KCTD16: variants seen among roughly 807,000 people sequenced by gnomAD.
KCTD16 encodes the protein BTB/POZ domain-containing protein KCTD16.
Under a neutral mutation model 33.2 loss-of-function variants are expected in KCTD16, and 13 were observed. The observed-to-expected ratio is 0.39, with a 90% CI of 0.25 to 0.62. The LOEUF (loss-of-function observed/expected upper bound fraction) is 0.62. KCTD16 is among the 20% of genes least tolerant of loss of function. The pLI is 0.50. For synonymous variants in KCTD16, 197 were observed against 195.3 expected, an observed-to-expected ratio of 1.01 and a Z score of -0.07; for missense variants, 441 against 525.1, an observed-to-expected ratio of 0.84 and a Z score of 1.57.
At chr5:144,217,914 T>C (rs1232161286) in intron 3 of KCTD16, among the ~76,000 whole-genome samples, 1 of 151,990 alleles carries the variant, frequency 6.6e-6, no homozygotes, top group East Asian at 1.9e-4. Flanking sequence ...TTTGACAGAG[T>C]GACCTTCTTT....
At chr5:144,338,824 G>T (rs570780462) in intron 3 of KCTD16, among the ~76,000 whole-genome samples, 1 of 152,110 alleles carries the variant, frequency 6.6e-6, no homozygotes, top group Non-Finnish European at 1.5e-5. Flanking sequence ...AGGCCAAGGG[G>T]TTACTCTCAG....
chr5:144,384,445 A>C (rs981993843), intron 3 of KCTD16: 1 of 152,206 alleles, frequency 6.6e-6, no homozygotes, highest in Non-Finnish European at 1.5e-5. Context: ...AAATATACTA[A>C]TACCTTACAA....
intron 3 of KCTD16, among the ~76,000 whole-genome samples, chr5:144,232,488 T>C (rs919649782): frequency 2.6e-4 from 40 of 152,342 alleles, no homozygotes; most frequent in African/African-American, 9.4e-4. Flanking sequence ...AATTTAAACC[T>C]GAGCTGTGTG....
At position 144,451,404 on chromosome 5, in the gene KCTD16, C is replaced by T. The variant is rs961987106; in HGVS notation, c.833-22256C>T. Among the ~76,000 whole-genome samples, 45 of 152,138 alleles carry T rather than the reference C, an allele frequency of 3.0e-4. 1 individual carries two copies. Among genetic ancestry groups the T allele is most frequent in the Admixed American group, 2.9e-3 (44 of 15,260 alleles). ...TGTTTGGGTGTGGTATGGACCAGGT[C>T]ACCTCACAGGATTCCTCAGCCTTAA... On this transcript the variant is annotated intron_variant, in intron 3 of 3. Transcript: ENST00000512467.
intron 3 of KCTD16, among the ~76,000 whole-genome samples, chr5:144,466,228 C>T (rs1458863854): frequency 2.8e-5 from 4 of 143,730 alleles, no homozygotes; most frequent in Non-Finnish European, 4.5e-5. Flanking sequence ...TATCTTAGTT[C>T]ACTAGCTAGG....
At chr5:144,352,343 A>T (rs552172498) in intron 3 of KCTD16, among the ~76,000 whole-genome samples, 40 of 152,166 alleles carry the variant, frequency 2.6e-4, no homozygotes, top group Non-Finnish European at 4.7e-4. Flanking sequence ...GGACATTGTG[A>T]GGTTCATTCA....
At chr5:144,395,918 G>A (rs1001173104) in intron 3 of KCTD16, among the ~76,000 whole-genome samples, 3 of 152,172 alleles carry the variant, frequency 2.0e-5, no homozygotes, top group African/African-American at 7.2e-5. Flanking sequence ...TCCTGTTTTT[G>A]TAAGTAGTTT....
intron 2 of KCTD16, among the ~76,000 whole-genome samples, chr5:144,193,132 C>T (rs984494482): frequency 2.6e-5 from 4 of 152,198 alleles, no homozygotes; most frequent in African/African-American, 7.2e-5. Context: ...AAATTCTCCC[C>T]ACTGATCTCC....
At chr5:144,250,492 C>T (rs1233711373) in intron 3 of KCTD16, among the ~76,000 whole-genome samples, 3 of 152,184 alleles carry the variant, frequency 2.0e-5, no homozygotes, top group Non-Finnish European at 4.4e-5. Flanking sequence ...TGCTACACTT[C>T]CAGAAACGTT....
intron 3 of KCTD16, among the ~76,000 whole-genome samples, chr5:144,461,574 A>G (rs1754196144): frequency 6.6e-6 from 1 of 152,112 alleles, no homozygotes; most frequent in Non-Finnish European, 1.5e-5. Context: ...GCAATCTCCT[A>G]ACTGGTCCCT....
intron 3 of KCTD16, among the ~76,000 whole-genome samples, chr5:144,275,639 A>C (rs1755418970): frequency 6.6e-6 from 1 of 152,190 alleles, no homozygotes; most frequent in African/African-American, 2.4e-5. Context: ...TTCTCAAAAC[A>C]AAATTAGTTT....
chr5:144,317,154 T>C (rs948079491), intron 3 of KCTD16, among the ~76,000 whole-genome samples: 7 of 152,006 alleles, frequency 4.6e-5, no homozygotes, highest in African/African-American at 1.7e-4. Flanking sequence ...TGTAAATTCA[T>C]ATACCTGATT....
At chr5:144,437,159 C>A (rs2126973802) in intron 3 of KCTD16, among the ~76,000 whole-genome samples, 1 of 152,256 alleles carries the variant, frequency 6.6e-6, no homozygotes, top group Non-Finnish European at 1.5e-5. Flanking sequence ...CGGCTGCTGT[C>A]CTCCATGATG....
chr5:144,212,784 AT>A (rs891707701), intron 3 of KCTD16, among the ~76,000 whole-genome samples: 32 of 151,840 alleles, frequency 2.1e-4, no homozygotes, highest in South Asian at 1.2e-3. Flanking sequence ...AAATCAGTTA[AT>A]TTTTTTTTAT....
At chr5:144,381,277 T>A (rs1188303037) in intron 3 of KCTD16, among the ~76,000 whole-genome samples, 1 of 152,020 alleles carries the variant, frequency 6.6e-6, no homozygotes, top group Non-Finnish European at 1.5e-5. Context: ...ATGACTATTA[T>A]TAAAAAGTCA....
At chr5:144,199,300 C>G (rs1004954756) in intron 2 of KCTD16, among the ~76,000 whole-genome samples, 3 of 151,990 alleles carry the variant, frequency 2.0e-5, no homozygotes, top group African/African-American at 7.3e-5. Flanking sequence ...ACTGCTTTAC[C>G]GAAAGATATA....
At chr5:144,212,925 AC>A (rs1753443131) in intron 3 of KCTD16, among the ~76,000 whole-genome samples, 1 of 152,046 alleles carries the variant, frequency 6.6e-6, no homozygotes, top group Non-Finnish European at 1.5e-5. Flanking sequence ...ATTCCTACTT[AC>A]TTTCCCTTTT....
Position 144,195,403 on chromosome 5 carries a change from C to T in KCTD16, c.-326-10986C>T, listed in dbSNP as rs1276536379. ...TCCTTGGGGGCATCTGAGGTTGTTG[C>T]AGTGCAGCCTGCTTGCTACCATCCA... On this transcript the variant is annotated intron_variant, in intron 2 of 3. Transcript: ENST00000512467. 2.0e-5 allele frequency among the ~76,000 whole-genome samples: 3 copies of T among 152,198 alleles called. No individual in the cohort carries two copies. In the East Asian group the frequency reaches 5.8e-4, roughly 29 times the overall value.
intron 3 of KCTD16, among the ~76,000 whole-genome samples, chr5:144,365,761 G>A (rs979664890): frequency 7.0e-6 from 1 of 143,130 alleles, no homozygotes; most frequent in Admixed American, 7.1e-5. Flanking sequence ...AGTTTGTGGA[G>A]CAGGTGAAGG....
Sources: allele counts gnomAD v4.1 joint callset (sites outside exome capture counted in the v4.1 genomes callset), GRCh38; gene constraint gnomAD v4.1.1; transcripts MANE v1.5; gene names NCBI Gene and HGNC (gene_info 2026-07-23, HGNC 2026-07-21).